RASGRF1: variants seen among roughly 807,000 people sequenced by gnomAD.
The protein encoded by RASGRF1 is ras-specific guanine nucleotide-releasing factor 1.
RASGRF1 carries 40 observed loss-of-function variants against 138.7 expected under a neutral mutation model. The ratio of observed to expected loss-of-function variants is 0.29; its 90% CI spans 0.22 to 0.38. The LOEUF (loss-of-function observed/expected upper bound fraction) is 0.38, where lower values mean the gene tolerates loss of function less well. Ranked by LOEUF, RASGRF1 falls within the 10% of genes least tolerant of loss-of-function variation. The probability of loss-of-function intolerance (pLI) is 1.00; values close to 1 mark genes in which losing one functional copy is unlikely to be tolerated. For synonymous variants in RASGRF1, 614 were observed against 663.2 expected (o/e 0.93, Z 1.14); for missense variants, 1,108 against 1,650.4 (o/e 0.67, Z 5.69).
At position 79,027,195 on chromosome 15, in the gene RASGRF1, C is replaced by T. The variant is rs1186770245; in HGVS notation, c.1381+546G>A. On this transcript the variant is annotated intron_variant, in intron 9 of 26. Transcript: ENST00000558480. This position sits in a 1 kb window ranked among gnomAD's most constrained non-coding sequence, Gnocchi z 4.8. ...GAGCCACAGAGAGCCTTCACCCACC[C>T]CTCTCAACGGGGCCGTGCCTCTCAA... 6.6e-6 allele frequency among the ~76,000 whole-genome samples: 1 copy of T among 152,196 alleles called. No individual in the cohort carries two copies. Among genetic ancestry groups the T allele is most frequent in the Non-Finnish European group, 1.5e-5 (1 of 68,036 alleles).
rs1264651306 is a variant in RASGRF1 at position 79,033,438 on chromosome 15, A to G, written c.959-1122T>C. Among the ~76,000 whole-genome samples the G allele has an allele frequency of 2.0e-5, 3 of 151,556 alleles. 1 individual carries two copies. Among genetic ancestry groups the G allele is most frequent in the Admixed American group, 2.0e-4 (3 of 15,224 alleles). On this transcript the variant is annotated intron_variant, in intron 6 of 26. Coordinates refer to ENST00000558480, the MANE Select transcript of RASGRF1 (RefSeq NM_001145648.3). ...TTGAATTTTTGTGTTTTTTGTAGAG[A>G]TAGAGTTTTACCACGTTGGCCAGGA...
intron 21 of RASGRF1, among the ~76,000 whole-genome samples, chr15:78,991,341 C>G (rs2056262876): frequency 6.6e-6 from 1 of 152,164 alleles, no homozygotes; most frequent in Non-Finnish European, 1.5e-5. Flanking sequence ...TACTGGAGGT[C>G]ACTGGACCTA....
In RASGRF1 at chr15:79,024,923, T is replaced by TAC. The variant is rs1190086804; in HGVS notation, c.1542+389_1542+390dup. Among the ~76,000 whole-genome samples the TAC allele has an allele frequency of 1.6e-4, 24 of 151,042 alleles. No homozygotes were observed. In the South Asian group the frequency reaches 5.1e-3, roughly 32 times the overall value. On this transcript the variant is annotated intron_variant, in intron 10 of 26. Transcript: ENST00000558480. ...ACATACACACACACGCATATACACA[T>TAC]ACACACACACCACATATACAAACAC...
chr15:78,985,016 G>A lies in RASGRF1; in HGVS notation c.3405C>T (p.Val1135=). ...IFRLKKTWLK[V]SKQTKALIDK... is the part of the protein sequence containing the mutation. ...AGCCTCCTGCCCGCACCTGCTTAGA[G>A]ACTTTGAGCCACGTCTTTTTGAGCC... Residue 1135 remains valine (V), a synonymous_variant, in exon 23 of 27, where the codon GTC becomes GTT. Transcript: ENST00000558480. 6.2e-7 allele frequency: 1 copy of A among 1,614,116 alleles called. No homozygotes were observed. The highest frequency in any genetic ancestry group is 1.6e-4 in the Middle Eastern group (1 of 6,062).
In RASGRF1 at chr15:79,007,315, G is replaced by A. The variant is rs2056698847; in HGVS notation, c.1827-881C>T. On this transcript the variant is annotated intron_variant, in intron 13 of 26. Coordinates refer to ENST00000558480, the MANE Select transcript of RASGRF1 (RefSeq NM_001145648.3). ...GCTGCTGTACCACACAGCGCCCTCTGGTGCTTACGCCACTGGAATCGTCTT... is the reference window on the plus strand; with the variant it reads ...GCTGCTGTACCACACAGCGCCCTCTAGTGCTTACGCCACTGGAATCGTCTT... Among the ~76,000 whole-genome samples the A allele has an allele frequency of 3.3e-5, 5 of 152,260 alleles. No individual in the cohort carries two copies. In the South Asian group the frequency reaches 1.0e-3, roughly 32 times the overall value.
intron 1 of RASGRF1, 41 bp from the exon 2 acceptor site, chr15:79,064,567 A>T: frequency 6.2e-5 from 95 of 1,530,624 alleles, no homozygotes; most frequent in Non-Finnish European, 7.9e-5. Context: ...CAGAGTGTCC[A>T]TGGGACCAAC....
At position 79,046,034 on chromosome 15, in the gene RASGRF1, T is replaced by C. The variant is rs1275294126; in HGVS notation, c.878+712A>G. Among the ~76,000 whole-genome samples the C allele has an allele frequency of 6.6e-6, 1 of 152,198 alleles. No homozygotes were observed. The highest frequency in any genetic ancestry group is 1.5e-5 in the Non-Finnish European group (1 of 68,046). On this transcript the variant is annotated intron_variant, in intron 5 of 26. Coordinates refer to ENST00000558480, the MANE Select transcript of RASGRF1 (RefSeq NM_001145648.3). This position sits in a 1 kb window ranked among gnomAD's most constrained non-coding sequence, Gnocchi z 5.3. ...CCAACCAGAAAGCTCATTTAAACCA[T>C]TTCCTTTTAAAAAGAAGTTGACAGC...
intron 10 of RASGRF1, among the ~76,000 whole-genome samples, chr15:79,024,749 A>G (rs1237077269): frequency 6.6e-6 from 1 of 152,198 alleles, no homozygotes; most frequent in Admixed American, 6.5e-5. Context: ...CTTCTCAGCC[A>G]TGTGGAACTG....
chr15:79,083,340 C>A (rs2057937967), intron 1 of RASGRF1, among the ~76,000 whole-genome samples: 1 of 152,212 alleles, frequency 6.6e-6, no homozygotes, highest in South Asian at 2.1e-4. Context: ...TCTCTCAAGT[C>A]CACGCGTCAC....
rs183396891 is a variant in RASGRF1 at position 79,064,749 on chromosome 15, G to A, written c.277-223C>T. ...AGAGCCTATGCTTAGGATATTGTAA[G>A]AAGGAAACAAAACACACAAAGCCCT... On this transcript the variant is annotated intron_variant, in intron 1 of 26. Coordinates refer to ENST00000558480, the MANE Select transcript of RASGRF1 (RefSeq NM_001145648.3). The A allele has an allele frequency of 4.1e-3, 2,176 of 526,844 alleles. 13 individuals carry two copies. The highest frequency in any genetic ancestry group is 5.9e-3 in the Non-Finnish European group (1,751 of 297,478). The allele number at this position is 526,844 out of a possible 1,614,324, so 32.6% of individuals were successfully genotyped here.
chr15:79,090,596 C>A lies in RASGRF1; in HGVS notation c.-98G>T. 6.6e-7 allele frequency: 1 copy of A among 1,520,252 alleles called. No individual in the cohort carries two copies. The highest frequency in any genetic ancestry group is 8.9e-7 in the Non-Finnish European group (1 of 1,125,690). 94.2% of individuals were successfully genotyped at this position (1,520,252 alleles called of 1,614,324 possible). A position where few individuals can be genotyped will look rare whatever the true frequency, so the allele number is the denominator to read the frequency against. ...GCGCGCTGCCTCTCTCTGGCGCTCG[C>A]TCGCTCGCTCCCTCTAGCTCTCCCC... On this transcript the variant is annotated 5_prime_UTR_variant, in exon 1 of 27. Transcript: ENST00000558480.
intron 4 of RASGRF1, 111 bp from the exon 5 acceptor site, chr15:79,047,110 C>A: frequency 2.2e-6 from 3 of 1,354,672 alleles, no homozygotes; most frequent in African/African-American, 1.4e-5. Flanking sequence ...GTTATTCCTA[C>A]GCCGGGCATG....
intron 20 of RASGRF1, among the ~76,000 whole-genome samples, chr15:78,994,686 T>A (rs2056351825): frequency 6.6e-6 from 1 of 152,150 alleles, no homozygotes. Context: ...TTATTCCGTC[T>A]GGAATGCCAC....
chr15:79,004,787 T>C (rs2056633819), intron 14 of RASGRF1: 2 of 985,366 alleles, frequency 2.0e-6, no homozygotes, highest in South Asian at 4.7e-5. Context: ...TTGCAAACCA[T>C]AGCTTGTCTC....
chr15:79,059,962 A>G (rs539664292), intron 2 of RASGRF1, among the ~76,000 whole-genome samples: 18 of 102,596 alleles, frequency 1.8e-4, no homozygotes, highest in African/African-American at 6.5e-4. Flanking sequence ...CCACTGATAC[A>G]CTCACACACA....
Position 79,027,678 on chromosome 15 carries a change from C to T in RASGRF1, c.1381+63G>A. Reference sequence around the variant, plus strand: ...CAACTGGTGGCGTCCCCGAGTGCCGCCTCCCTCCCGCTGCTGGGGCCCACC... The same window carrying T: ...CAACTGGTGGCGTCCCCGAGTGCCGTCTCCCTCCCGCTGCTGGGGCCCACC... On this transcript the variant is annotated intron_variant, in intron 9 of 26. Transcript: ENST00000558480. The surrounding 1 kb of genome is among the most constrained non-coding windows in gnomAD (Gnocchi z 4.8). 3 of 1,512,934 alleles carry T rather than the reference C, an allele frequency of 2.0e-6. No homozygotes were observed. Among genetic ancestry groups the T allele is most frequent in the Non-Finnish European group, 2.7e-6 (3 of 1,094,758 alleles). The allele number at this position is 1,512,934 out of a possible 1,614,324, so 93.7% of individuals were successfully genotyped here. A position where few individuals can be genotyped will look rare whatever the true frequency, so the allele number is the denominator to read the frequency against.
chr15:79,059,991 G>GACACACAC (rs941037876), intron 2 of RASGRF1, among the ~76,000 whole-genome samples: 6 of 31,574 alleles, frequency 1.9e-4, no homozygotes, highest in Admixed American at 6.1e-4. Context: ...CAGACACACA[G>GACACACAC]ACACACACAC....
At chr15:79,063,486 A>C (rs1355374529) in intron 2 of RASGRF1, among the ~76,000 whole-genome samples, 1 of 152,146 alleles carries the variant, frequency 6.6e-6, no homozygotes, top group Non-Finnish European at 1.5e-5. Flanking sequence ...ATCCTGCATT[A>C]ATTCACCATT....
intron 2 of RASGRF1, 74 bp from the exon 3 acceptor site, chr15:79,058,555 G>T: frequency 6.4e-7 from 1 of 1,566,790 alleles, no homozygotes. Flanking sequence ...GCACTGACCG[G>T]GAGAGGGGCT....
Sources: gnomAD v4.1 joint callset for allele counts (sites outside exome capture counted in the v4.1 genomes callset) on GRCh38, gnomAD v4.1.1 for gene constraint, Gnocchi (gnomAD v3.1) non-coding constraint, MANE v1.5 for transcripts, NCBI Gene and HGNC (gene_info 2026-07-23, HGNC 2026-07-21) for gene names.